PIK3CD: variants seen among roughly 807,000 people sequenced by gnomAD.
The protein encoded by PIK3CD is phosphatidylinositol-4,5-bisphosphate 3-kinase catalytic subunit delta, also known as phosphatidylinositol 4,5-bisphosphate 3-kinase catalytic subunit delta isoform.
Under a neutral mutation model 122.9 loss-of-function variants are expected in PIK3CD, and 20 were observed. That is an observed-to-expected ratio of 0.16 (90% CI 0.11 to 0.24). PIK3CD has a LOEUF of 0.24. PIK3CD is among the 10% of genes least tolerant of loss of function. PIK3CD has a pLI of 1.00. For synonymous variants in PIK3CD, 596 were observed against 593.4 expected (o/e 1.00, Z -0.06); for missense variants, 787 against 1,406.3 (o/e 0.56, Z 7.04).
rs1432333552 is a variant in PIK3CD at position 9,710,979 on chromosome 1, T to G, written c.141+383T>G. ...TTTGTATTTTTAGTAGAGACGGGGT[T>G]TCTCCATGTTGGTCAGGCTGGTCTC... On this transcript the variant is annotated intron_variant, in intron 3 of 23. Coordinates refer to ENST00000377346, the MANE Select transcript of PIK3CD (RefSeq NM_005026.5). This position sits in a 1 kb window ranked among gnomAD's most constrained non-coding sequence, Gnocchi z 4.7. Among the ~76,000 whole-genome samples, 2 of 151,918 alleles carry G rather than the reference T, an allele frequency of 1.3e-5. No individual in the cohort carries two copies. Among genetic ancestry groups the G allele is most frequent in the African/African-American group, 4.8e-5 (2 of 41,308 alleles).
In PIK3CD at chr1:9,665,270, T is replaced by C. The variant is rs568179036; in HGVS notation, c.-138+13468T>C. ...TCTTCAGTCATATCCATCATAGGGG[T>C]AGCTTTGGTGAATGTCCCATGGCAA... On this transcript the variant is annotated intron_variant, in intron 1 of 23. Coordinates refer to ENST00000377346, the MANE Select transcript of PIK3CD (RefSeq NM_005026.5). 2.7e-5 allele frequency among the ~76,000 whole-genome samples: 4 copies of C among 145,906 alleles called. No homozygotes were observed. The East Asian group carries it at 8.1e-4, about 30-fold the overall frequency.
chr1:9,727,393 C>G lies in PIK3CD; in HGVS notation c.*347C>G, dbSNP rs548719128. The G allele has an allele frequency of 7.0e-6, 3 of 430,870 alleles. No homozygotes were observed. The highest frequency in any genetic ancestry group is 4.0e-5 in the African/African-American group (2 of 50,290). 26.7% of individuals were successfully genotyped at this position (430,870 alleles called of 1,614,324 possible). ...CCTTCTTCCCAGGCCTCCCGCCAGA[C>G]TGCCTGGGTCCTGGCGCCTGGCGGT... On this transcript the variant is annotated 3_prime_UTR_variant, in exon 24 of 24. Transcript: ENST00000377346.
chr1:9,661,723 G>A (rs1042682410), intron 1 of PIK3CD, among the ~76,000 whole-genome samples: 1 of 152,138 alleles, frequency 6.6e-6, no homozygotes, highest in Non-Finnish European at 1.5e-5. Flanking sequence ...TTGGCCGGGC[G>A]CGGTGGCTCA....
intron 1 of PIK3CD, among the ~76,000 whole-genome samples, chr1:9,679,798 G>T (rs1429618960): frequency 6.6e-6 from 1 of 152,098 alleles, no homozygotes. Flanking sequence ...ACAATGCAAT[G>T]GTTTTTTGTT....
rs1385533130 is a variant in PIK3CD, at chr1:9,719,848, C to A, written c.1243-73C>A. 8.2e-7 allele frequency: 1 copy of A among 1,213,574 alleles called. No individual in the cohort carries two copies. The highest frequency in any genetic ancestry group is 1.2e-6 in the Non-Finnish European group (1 of 815,554). The allele number at this position is 1,213,574 out of a possible 1,614,324, so 75.2% of individuals were successfully genotyped here. On this transcript the variant is annotated intron_variant, in intron 9 of 23. Transcript: ENST00000377346. This position sits in a 1 kb window ranked among gnomAD's most constrained non-coding sequence, Gnocchi z 5.5. ...GCTCTGGGTCTTCTCGGGTGGGGTGCCTGGGGGAGGGCAGGGAAGCTGGGT... is the reference window on the plus strand; with the variant it reads ...GCTCTGGGTCTTCTCGGGTGGGGTGACTGGGGGAGGGCAGGGAAGCTGGGT...
intron 1 of PIK3CD, among the ~76,000 whole-genome samples, chr1:9,658,385 C>CA (rs58808659): frequency 0.049 from 3,985 of 81,494 alleles, 277 homozygotes; most frequent in African/African-American, 0.15. Context: ...GACCCTGTCT[C>CA]AAAAAAAAAA....
At chr1:9,665,049 A>T (rs1291311234) in intron 1 of PIK3CD, among the ~76,000 whole-genome samples, 1 of 151,870 alleles carries the variant, frequency 6.6e-6, no homozygotes, top group Non-Finnish European at 1.5e-5. Context: ...CAAAAAATAA[A>T]AACAGTTAGC....
chr1:9,721,249 G>C lies in PIK3CD; in HGVS notation c.1811+1G>C. On this transcript the variant is annotated splice_donor_variant, in intron 14 of 23. Coordinates refer to ENST00000377346, the MANE Select transcript of PIK3CD (RefSeq NM_005026.5). LOFTEE classifies it high-confidence loss of function. ...CCATCAAGTCGCTGCGGAAACTGACGTGAGTCCCAGCTGGGCGCTCCCCAC... is the reference window on the plus strand; with the variant it reads ...CCATCAAGTCGCTGCGGAAACTGACCTGAGTCCCAGCTGGGCGCTCCCCAC... 1 of 1,613,282 alleles carries C rather than the reference G, an allele frequency of 6.2e-7. No individual in the cohort carries two copies. Among genetic ancestry groups the C allele is most frequent in the Non-Finnish European group, 8.5e-7 (1 of 1,179,992 alleles).
At chr1:9,683,055 TGGGGGG>T (rs1645821772) in intron 1 of PIK3CD, among the ~76,000 whole-genome samples, 1 of 138,386 alleles carries the variant, frequency 7.2e-6, no homozygotes, top group African/African-American at 2.8e-5. Context: ...TTTTTTTTTT[TGGGGGG>T]CTGGGTCTCG....
In PIK3CD at chr1:9,723,121, C is replaced by T; in HGVS notation, c.2427-4C>T. 3 of 1,613,342 alleles carry T rather than the reference C, an allele frequency of 1.9e-6. No individual in the cohort carries two copies. Among genetic ancestry groups the T allele is most frequent in the Non-Finnish European group, 2.5e-6 (3 of 1,179,896 alleles). On this transcript the variant is annotated splice_region_variant and splice_polypyrimidine_tract_variant and intron_variant, in intron 19 of 23. Coordinates refer to ENST00000377346, the MANE Select transcript of PIK3CD (RefSeq NM_005026.5). The surrounding 1 kb of genome is among the most constrained non-coding windows in gnomAD (Gnocchi z 4.9). ...TTTGCCCGTCCCTCTTCCCCCTTGC[C>T]TAGGATGACCCCCTATGGCTGCCTC...
chr1:9,661,614 A>G (rs531727245), intron 1 of PIK3CD, among the ~76,000 whole-genome samples: 1 of 152,126 alleles, frequency 6.6e-6, no homozygotes, highest in East Asian at 1.9e-4. Context: ...TAATCCCAGC[A>G]CTTTTGGAGG....
At chr1:9,666,390 C>T (rs1645161105) in intron 1 of PIK3CD, among the ~76,000 whole-genome samples, 1 of 150,958 alleles carries the variant, frequency 6.6e-6, no homozygotes, top group African/African-American at 2.4e-5. Context: ...TACAGGCACC[C>T]ACCAGGCTAA....
chr1:9,644,516 CAAATAAATAAAT>C, the PIK3CD span, among the ~76,000 whole-genome samples: 219 of 145,556 alleles, frequency 1.5e-3, 2 homozygotes, highest in Middle Eastern at 0.021. Context: ...GACTCCGTCT[CAAATAAATAAAT>C]AAATAAATAA....
chr1:9,647,489 T>TTAG (rs1304962957), upstream of PIK3CD, among the ~76,000 whole-genome samples: 1 of 145,732 alleles, frequency 6.9e-6, no homozygotes, highest in Non-Finnish European at 1.5e-5. Flanking sequence ...CTAATTATTA[T>TTAG]TATTATTATT....
chr1:9,631,974 TC>T, the PIK3CD span, among the ~76,000 whole-genome samples: 1 of 110,410 alleles, frequency 9.1e-6, no homozygotes, highest in African/African-American at 3.5e-5. Context: ...CTTCCCTCCC[TC>T]CCTCCCTCCC....
upstream of PIK3CD, among the ~76,000 whole-genome samples, chr1:9,648,330 A>G (rs1644626075): frequency 6.6e-6 from 1 of 152,248 alleles, no homozygotes; most frequent in South Asian, 2.1e-4. Flanking sequence ...CTTGCATAGT[A>G]AAAAGCATGA....
chr1:9,638,974 C>G, the PIK3CD span, among the ~76,000 whole-genome samples: 8 of 151,840 alleles, frequency 5.3e-5, no homozygotes, highest in South Asian at 1.7e-3. Flanking sequence ...GCCATGTTGC[C>G]CAGGCTGGTC....
In PIK3CD at chr1:9,700,407, C is replaced by T. The variant is rs943017490; in HGVS notation, c.-33+8836C>T. Among the ~76,000 whole-genome samples the T allele has an allele frequency of 6.6e-6, 1 of 152,176 alleles. No individual in the cohort carries two copies. The highest frequency in any genetic ancestry group is 2.4e-5 in the African/African-American group (1 of 41,434). ...GAACCCCATGTGCGGGAGGGCTCCG[C>T]TTTGCACAGCTGTTTCTGTGGATCA... On this transcript the variant is annotated intron_variant, in intron 2 of 23. Coordinates refer to ENST00000377346, the MANE Select transcript of PIK3CD (RefSeq NM_005026.5). This position sits in a 1 kb window ranked among gnomAD's most constrained non-coding sequence, Gnocchi z 5.1.
intron 1 of PIK3CD, among the ~76,000 whole-genome samples, chr1:9,667,452 C>T (rs1371700852): frequency 6.6e-6 from 1 of 151,734 alleles, no homozygotes; most frequent in Admixed American, 6.6e-5. Flanking sequence ...TCTCGACTCA[C>T]TGCAAGCTCC....
Sources: allele counts gnomAD v4.1 joint callset (sites outside exome capture counted in the v4.1 genomes callset), GRCh38; gene constraint gnomAD v4.1.1; non-coding constraint Gnocchi (gnomAD v3.1); transcripts MANE v1.5; gene names NCBI Gene and HGNC (gene_info 2026-07-23, HGNC 2026-07-21).